The following WWOX variants were observed in gnomAD, a reference collection of about 807,000 sequenced individuals.
WWOX encodes WW domain containing oxidoreductase.
A neutral mutation model predicts 46.2 loss-of-function variants in WWOX; 69 were observed. That is an observed-to-expected ratio of 1.49 (90% CI 1.23 to 1.82). The LOEUF (loss-of-function observed/expected upper bound fraction) is 1.82. Ranked by LOEUF, WWOX falls within the 40% of genes most tolerant of loss-of-function variation. The pLI is 0.00. For synonymous variants in WWOX, 359 were observed against 202.6 expected, an observed-to-expected ratio of 1.77 and a Z score of -6.56; for missense variants, 919 against 542.6, an observed-to-expected ratio of 1.69 and a Z score of -6.89.
chr16:79,208,018 T>C (rs1354426252), intron 8 of WWOX, among the ~76,000 whole-genome samples: 2 of 152,216 alleles, frequency 1.3e-5, no homozygotes, highest in African/African-American at 2.4e-5. Context: ...AGCAACTGCT[T>C]TCTAAATCCC....
At chr16:79,170,487 A>G (rs996317935) in intron 8 of WWOX, among the ~76,000 whole-genome samples, 4 of 152,200 alleles carry the variant, frequency 2.6e-5, no homozygotes, top group Non-Finnish European at 5.9e-5. Flanking sequence ...AAATGGTACC[A>G]CTCTCATAAA....
At chr16:79,203,878 C>A (rs1485125431) in intron 8 of WWOX, 1 of 152,092 alleles carries the variant, frequency 6.6e-6, no homozygotes. Context: ...CTAGCTATAA[C>A]CATAACAGAG....
rs1026045627 is a variant in WWOX at position 78,260,451 on chromosome 16, G to C, written c.516+96162G>C. Among the ~76,000 whole-genome samples the C allele has an allele frequency of 7.3e-5, 11 of 151,410 alleles. 1 individual carries two copies. The highest frequency in any genetic ancestry group is 1.6e-4 in the Non-Finnish European group (11 of 67,852). ...AGGCCAAGGCGGGCAGATCACTTGA[G>C]GCCAGGAGTTTGAGACCAGCCTGGC... On this transcript the variant is annotated intron_variant, in intron 5 of 8. Coordinates refer to ENST00000566780, the MANE Select transcript of WWOX (RefSeq NM_016373.4).
chr16:79,065,060 T>A (rs1423755590), intron 8 of WWOX, among the ~76,000 whole-genome samples: 3 of 152,198 alleles, frequency 2.0e-5, no homozygotes, highest in Admixed American at 2.0e-4. Context: ...TGCCTGTGTG[T>A]GTCTCTAGGA....
At chr16:79,085,150 A>G (rs1440456644) in intron 8 of WWOX, among the ~76,000 whole-genome samples, 2 of 152,166 alleles carry the variant, frequency 1.3e-5, no homozygotes, top group East Asian at 3.9e-4. Context: ...CTGCATATAC[A>G]TGTTTAGGGA....
At chr16:78,712,769 A>G (rs967884385) in intron 8 of WWOX, among the ~76,000 whole-genome samples, 8 of 152,228 alleles carry the variant, frequency 5.3e-5, no homozygotes, top group African/African-American at 1.9e-4. Context: ...ATGATAACTA[A>G]GACTTGCTTT....
intron 8 of WWOX, among the ~76,000 whole-genome samples, chr16:78,546,962 AC>A (rs1298120079): frequency 6.6e-6 from 1 of 151,798 alleles, no homozygotes; most frequent in African/African-American, 2.4e-5. Context: ...CCCTACCTCT[AC>A]AAAAAATAGA....
At chr16:78,323,247 C>A (rs1305540023) in intron 5 of WWOX, among the ~76,000 whole-genome samples, 1 of 152,078 alleles carries the variant, frequency 6.6e-6, no homozygotes, top group East Asian at 1.9e-4. Flanking sequence ...GGTGGGACTA[C>A]AGGCCCCCGC....
chr16:78,851,913 C>G (rs942337789), intron 8 of WWOX, among the ~76,000 whole-genome samples: 20 of 152,276 alleles, frequency 1.3e-4, no homozygotes, highest in Admixed American at 7.2e-4. Flanking sequence ...ACCCTTCATG[C>G]CCATCTTCAG....
intron 5 of WWOX, among the ~76,000 whole-genome samples, chr16:78,226,348 G>T (rs1597373442): frequency 6.6e-6 from 1 of 151,970 alleles, no homozygotes; most frequent in African/African-American, 2.4e-5. Context: ...TTAAATCTCA[G>T]CATTTTCAGG....
chr16:78,195,442 G>A (rs2036018035), intron 5 of WWOX, among the ~76,000 whole-genome samples: 1 of 152,076 alleles, frequency 6.6e-6, no homozygotes, highest in Non-Finnish European at 1.5e-5. Context: ...GGTGTCTTAA[G>A]TACCGTTGGT....
chr16:78,138,823 G>T lies in WWOX; in HGVS notation c.409+23669G>T, dbSNP rs571420554. The stretch of plus-strand genomic sequence containing the variant: ...GCGCCACTCCACGGATGTGAGTGGG[G>T]AGCAAGTGCTCAAAATGGGGCTTCT... On this transcript the variant is annotated intron_variant, in intron 4 of 8. Coordinates refer to ENST00000566780, the MANE Select transcript of WWOX (RefSeq NM_016373.4). 7.9e-5 allele frequency among the ~76,000 whole-genome samples: 12 copies of T among 152,160 alleles called. 1 individual carries two copies. The highest frequency in any genetic ancestry group is 7.2e-4 in the Admixed American group (11 of 15,280).
chr16:79,099,761 A>T (rs1339301469), intron 8 of WWOX, among the ~76,000 whole-genome samples: 1 of 152,232 alleles, frequency 6.6e-6, no homozygotes, highest in East Asian at 1.9e-4. Flanking sequence ...TTCTAATGAA[A>T]AGATATTTGG....
intron 5 of WWOX, among the ~76,000 whole-genome samples, chr16:78,169,054 C>T (rs562594039): frequency 6.6e-6 from 1 of 152,208 alleles, no homozygotes; most frequent in East Asian, 1.9e-4. Context: ...ACATCAGCCC[C>T]CATTCATATT....
intron 5 of WWOX, chr16:78,278,749 A>T: frequency 2.6e-6 from 3 of 1,154,394 alleles, no homozygotes; most frequent in Non-Finnish European, 2.5e-6. Context: ...TTTGACTTCT[A>T]TCTCGGTGAT....
At chr16:78,910,830 G>A (rs771045203) in intron 8 of WWOX, among the ~76,000 whole-genome samples, 11 of 151,908 alleles carry the variant, frequency 7.2e-5, no homozygotes, top group Non-Finnish European at 1.6e-4. Flanking sequence ...TCCCTCCCAT[G>A]ACGTGGGAAT....
At chr16:78,431,107 G>T (rs956611149) in intron 7 of WWOX, among the ~76,000 whole-genome samples, 2 of 152,120 alleles carry the variant, frequency 1.3e-5, no homozygotes, top group African/African-American at 4.8e-5. Flanking sequence ...GATCCATTTT[G>T]TAAGGGAAGT....
intron 8 of WWOX, among the ~76,000 whole-genome samples, chr16:78,955,149 C>A (rs935943321): frequency 6.6e-5 from 10 of 152,256 alleles, no homozygotes; most frequent in Non-Finnish European, 1.3e-4. Flanking sequence ...GAAAAGGAAA[C>A]TTTGCTGTTA....
intron 6 of WWOX, among the ~76,000 whole-genome samples, chr16:78,388,966 T>G (rs1597148032): frequency 9.1e-6 from 1 of 110,052 alleles, no homozygotes; most frequent in East Asian, 2.0e-4. Context: ...CAAAACTCTG[T>G]CTCAAAAAAA....
Sources: allele counts gnomAD v4.1 joint callset (sites outside exome capture counted in the v4.1 genomes callset), GRCh38; gene constraint gnomAD v4.1.1; transcripts MANE v1.5; gene names NCBI Gene and HGNC (gene_info 2026-07-23, HGNC 2026-07-21).